Variants in PHF21A observed in about 807,000 individuals in gnomAD.
The protein encoded by PHF21A is PHD finger protein 21A, also known as BHC80a.
Under a neutral mutation model 82.5 loss-of-function variants are expected in PHF21A, and 11 were observed. The observed-to-expected ratio is 0.13, with a 90% confidence interval of 0.08 to 0.22. PHF21A has a LOEUF of 0.22. PHF21A is among the 10% of genes least tolerant of loss of function. The pLI is 1.00. For synonymous variants in PHF21A, 297 were observed against 302.8 expected (o/e 0.98, Z 0.20); for missense variants, 579 against 837.8 (o/e 0.69, Z 3.81).
intron 7 of PHF21A, among the ~76,000 whole-genome samples, chr11:45,971,912 T>A (rs2093783642): frequency 6.8e-6 from 1 of 146,156 alleles, no homozygotes; most frequent in Non-Finnish European, 1.5e-5. Context: ...TTTTATGGTG[T>A]CACCCTGGAG....
intron 6 of PHF21A, among the ~76,000 whole-genome samples, chr11:45,992,682 A>G (rs1198786014): frequency 6.6e-6 from 1 of 152,252 alleles, no homozygotes; most frequent in Non-Finnish European, 1.5e-5. Context: ...GGGAAAATGC[A>G]TAGACAAAAG....
intron 1 of PHF21A, among the ~76,000 whole-genome samples, chr11:46,112,396 G>A (rs1054176054): frequency 6.6e-6 from 1 of 152,094 alleles, no homozygotes; most frequent in Admixed American, 6.5e-5. Context: ...CGTTTACTGA[G>A]CCCTTATTAT....
intron 6 of PHF21A, among the ~76,000 whole-genome samples, chr11:46,073,448 T>TA (rs1400051411): frequency 6.6e-6 from 1 of 152,182 alleles, no homozygotes; most frequent in Admixed American, 6.5e-5. Flanking sequence ...AGCTTGATGT[T>TA]AAAAAAATTT....
At chr11:46,061,734 A>G (rs1461755004) in intron 6 of PHF21A, among the ~76,000 whole-genome samples, 1 of 152,138 alleles carries the variant, frequency 6.6e-6, no homozygotes, top group Non-Finnish European at 1.5e-5. Flanking sequence ...TACATCAATT[A>G]TCTAAGTTTT....
chr11:45,944,915 C>T (rs559068328), intron 15 of PHF21A, among the ~76,000 whole-genome samples: 8 of 152,284 alleles, frequency 5.3e-5, no homozygotes, highest in East Asian at 3.9e-4. Flanking sequence ...TACAGGAGCA[C>T]GCCATGCCCG....
intron 4 of PHF21A, among the ~76,000 whole-genome samples, chr11:46,080,714 C>T (rs2096781226): frequency 6.6e-6 from 1 of 152,122 alleles, no homozygotes; most frequent in Admixed American, 6.5e-5. Context: ...GTCACCCAGG[C>T]TGGAGTGCAG....
intron 6 of PHF21A, among the ~76,000 whole-genome samples, chr11:45,997,207 G>A (rs1325122365): frequency 6.6e-6 from 1 of 152,156 alleles, no homozygotes; most frequent in East Asian, 1.9e-4. Flanking sequence ...CTTGATGTAT[G>A]AAACAGAGGG....
At chr11:46,050,834 G>A (rs1247175370) in intron 6 of PHF21A, among the ~76,000 whole-genome samples, 1 of 152,228 alleles carries the variant, frequency 6.6e-6, no homozygotes, top group African/African-American at 2.4e-5. Flanking sequence ...AACTGAGTAT[G>A]TGTGCAGGAC....
chr11:45,986,832 T>G (rs2094505484), intron 6 of PHF21A, among the ~76,000 whole-genome samples: 1 of 152,352 alleles, frequency 6.6e-6, no homozygotes, highest in Middle Eastern at 3.4e-3. Flanking sequence ...GTCAATTATA[T>G]TTCAATCACT....
rs2087689606 is a variant in PHF21A, at chr11:45,931,974, G to T, written c.*1994C>A. ...CACCCAGGAGGCTTGTGGGTGGGTG[G>T]AGTGGAGTAAATTTCTGGTGCCTGG... On this transcript the variant is annotated 3_prime_UTR_variant, in exon 19 of 19. Coordinates refer to ENST00000676320, the MANE Select transcript of PHF21A (RefSeq NM_001352027.3). 6.6e-6 allele frequency: 1 copy of T among 152,326 alleles called. No individual in the cohort carries two copies. Among genetic ancestry groups the T allele is most frequent in the South Asian group, 2.1e-4 (1 of 4,840 alleles). 9.4% of individuals were successfully genotyped at this position (152,326 alleles called of 1,614,324 possible). A position where few individuals can be genotyped will look rare whatever the true frequency, so the allele number is the denominator to read the frequency against.
At chr11:46,074,009 A>G (rs1002838159) in intron 6 of PHF21A, among the ~76,000 whole-genome samples, 4 of 152,188 alleles carry the variant, frequency 2.6e-5, no homozygotes, top group African/African-American at 9.7e-5. Context: ...ATACGATTAC[A>G]TAGTTTTAAG....
At chr11:46,038,253 A>G (rs551818516) in intron 6 of PHF21A, among the ~76,000 whole-genome samples, 1 of 151,868 alleles carries the variant, frequency 6.6e-6, no homozygotes. Context: ...CAGCCTCCTG[A>G]GTAGCTGAGA....
At chr11:46,018,916 A>G (rs770224073) in intron 6 of PHF21A, among the ~76,000 whole-genome samples, 1 of 152,334 alleles carries the variant, frequency 6.6e-6, no homozygotes, top group Admixed American at 6.5e-5. Flanking sequence ...ATCCAATGCA[A>G]GACTTTTTAT....
chr11:46,019,202 G>T (rs2095581048), intron 6 of PHF21A, among the ~76,000 whole-genome samples: 1 of 151,984 alleles, frequency 6.6e-6, no homozygotes, highest in Admixed American at 6.6e-5. Flanking sequence ...AGGAAAAGAA[G>T]AAACTGCTTT....
At chr11:46,073,158 C>A (rs932940465) in intron 6 of PHF21A, among the ~76,000 whole-genome samples, 3 of 151,984 alleles carry the variant, frequency 2.0e-5, no homozygotes, top group African/African-American at 7.3e-5. Flanking sequence ...GAAACCCGGT[C>A]TCTACTAAAA....
intron 15 of PHF21A, among the ~76,000 whole-genome samples, chr11:45,942,110 G>A (rs1021147869): frequency 6.6e-6 from 1 of 152,208 alleles, no homozygotes; most frequent in Admixed American, 6.5e-5. Context: ...CTGGGATACT[G>A]TAAAAGGAGA....
intron 6 of PHF21A, among the ~76,000 whole-genome samples, chr11:46,043,240 T>G (rs1163284269): frequency 5.3e-5 from 8 of 152,276 alleles, no homozygotes; most frequent in Non-Finnish European, 1.5e-5. Flanking sequence ...AACCTATCAA[T>G]GATCCTATTC....
intron 1 of PHF21A, among the ~76,000 whole-genome samples, chr11:46,120,148 A>C (rs1433972653): frequency 1.7e-4 from 25 of 148,992 alleles, no homozygotes; most frequent in Non-Finnish European, 2.8e-4. Context: ...CACACACACA[A>C]ACACACACAC....
intron 6 of PHF21A, among the ~76,000 whole-genome samples, chr11:46,005,649 C>T (rs1288090819): frequency 6.6e-6 from 1 of 152,142 alleles, no homozygotes; most frequent in Non-Finnish European, 1.5e-5. Context: ...GAAATGTGAA[C>T]TGCCTTATAC....
Sources: gnomAD v4.1 joint callset for allele counts (sites outside exome capture counted in the v4.1 genomes callset) on GRCh38, gnomAD v4.1.1 for gene constraint, MANE v1.5 for transcripts, NCBI Gene and HGNC (gene_info 2026-07-23, HGNC 2026-07-21) for gene names.